SLC49A4: variants seen among roughly 807,000 people sequenced by gnomAD.
SLC49A4 encodes disrupted in renal cancer protein 2.
SLC49A4 carries 36 observed loss-of-function variants against 50.6 expected under a neutral mutation model. The observed-to-expected ratio is 0.71, with a 90% CI of 0.55 to 0.94. SLC49A4 has a LOEUF of 0.94. Among genes scored for constraint, SLC49A4 ranks in the 40% least tolerant of loss-of-function variants. SLC49A4 has a pLI of 0.00. For missense variants in SLC49A4, 503 were observed against 605.7 expected (o/e 0.83, Z 1.78); for synonymous variants, 248 against 241.2 (o/e 1.03, Z -0.26).
intron 5 of SLC49A4, among the ~76,000 whole-genome samples, chr3:122,852,977 C>T (rs1936943914): frequency 6.6e-6 from 1 of 152,118 alleles, no homozygotes. Flanking sequence ...TTCTAGTTCT[C>T]AACCAGAATA....
rs759814935 is a variant in SLC49A4, at chr3:122,795,460, A to G, written c.268A>G (p.Ile90Val). ...GGCCTACGGCTTCTCCAGCTGGGAC[A>G]TCGCGCTGCTCGTGCTGTGGGGGCC... ...RQAYGFSSWD[I>V]ALLVLWGPIG... Residue 90 changes from isoleucine (I) to valine (V), a missense_variant, in exon 1 of 9, where the codon ATC becomes GTC. By Grantham distance (29) the Ile-to-Val change is conservative (BLOSUM62 3). Transcript: ENST00000261038. 1 of 1,607,172 alleles carries G rather than the reference A, an allele frequency of 6.2e-7. No individual in the cohort carries two copies. The highest frequency in any genetic ancestry group is 8.5e-7 in the Non-Finnish European group (1 of 1,179,120).
intron 1 of SLC49A4, among the ~76,000 whole-genome samples, chr3:122,801,523 G>A (rs560094087): frequency 1.3e-5 from 2 of 152,142 alleles, no homozygotes; most frequent in Admixed American, 6.5e-5. Context: ...CCCAGAAGGC[G>A]GATGTTGCAG....
chr3:122,851,965 T>G (rs900315996), intron 5 of SLC49A4, among the ~76,000 whole-genome samples: 1 of 151,990 alleles, frequency 6.6e-6, no homozygotes, highest in Non-Finnish European at 1.5e-5. Context: ...GTGAGTTACT[T>G]TACATTTTAT....
chr3:122,871,278 A>G (rs983595116), intron 7 of SLC49A4, among the ~76,000 whole-genome samples: 3 of 152,200 alleles, frequency 2.0e-5, no homozygotes, highest in Non-Finnish European at 4.4e-5. Context: ...TTGGAGGGGA[A>G]GCAAGAGTGG....
chr3:122,859,935 T>G, intron 6 of SLC49A4, 140 bp from the exon 7 acceptor site: 1 of 777,142 alleles, frequency 1.3e-6, no homozygotes, highest in Non-Finnish European at 1.9e-6. Context: ...ACAAGAAAAT[T>G]TGTTTTAAAA....
intron 2 of SLC49A4, among the ~76,000 whole-genome samples, chr3:122,811,338 A>C (rs1311846057): frequency 2.0e-5 from 3 of 152,260 alleles, no homozygotes; most frequent in Admixed American, 6.5e-5. Flanking sequence ...ACTCAGGAGA[A>C]TATTCAGCTT....
chr3:122,832,409 T>C (rs1366720552), intron 3 of SLC49A4, among the ~76,000 whole-genome samples: 2 of 152,218 alleles, frequency 1.3e-5, no homozygotes, highest in Non-Finnish European at 2.9e-5. Flanking sequence ...GTATTCATTT[T>C]ACTTCTGATT....
intron 3 of SLC49A4, among the ~76,000 whole-genome samples, chr3:122,830,229 G>A (rs949775291): frequency 2.0e-5 from 3 of 152,186 alleles, no homozygotes; most frequent in African/African-American, 7.2e-5. Flanking sequence ...GTTTAATATT[G>A]TGAAGATATC....
intron 1 of SLC49A4, among the ~76,000 whole-genome samples, chr3:122,801,596 C>CA (rs145867722): frequency 0.011 from 1,733 of 151,666 alleles, 26 homozygotes; most frequent in African/African-American, 0.039. Flanking sequence ...ATCTCAAAAA[C>CA]AAAAAAAGAA....
At chr3:122,800,039 G>A (rs1936108758) in intron 1 of SLC49A4, among the ~76,000 whole-genome samples, 1 of 152,184 alleles carries the variant, frequency 6.6e-6, no homozygotes, top group Admixed American at 6.5e-5. Context: ...GAGTTAAGGG[G>A]AGAGGCCTGT....
chr3:122,824,729 T>C (rs868657515), intron 2 of SLC49A4, among the ~76,000 whole-genome samples: 11 of 132,284 alleles, frequency 8.3e-5, no homozygotes, highest in African/African-American at 2.7e-4. Flanking sequence ...TTTTTTTCCT[T>C]CTTTTTTTTT....
chr3:122,806,879 G>A lies in SLC49A4; in HGVS notation c.366G>A (p.Leu122=), dbSNP rs770000276. Residue 122 remains leucine, a synonymous_variant, in exon 2 of 9, where the codon CTG becomes CTA. Coordinates refer to ENST00000261038, the MANE Select transcript of SLC49A4 (RefSeq NM_032839.3). ...DKRGLRITVL[L]TSFLMVLGTG... Reference sequence around the variant, plus strand: ...TAGGTCTCCGGATAACTGTGCTCCTGACATCCTTCCTTATGGTTTTGGGAA... The same window carrying A: ...TAGGTCTCCGGATAACTGTGCTCCTAACATCCTTCCTTATGGTTTTGGGAA... The A allele has an allele frequency of 1.2e-6, 2 of 1,609,290 alleles. No individual in the cohort carries two copies. Among genetic ancestry groups the A allele is most frequent in the Admixed American group, 3.3e-5 (2 of 59,932 alleles).
chr3:122,839,478 CAA>C (rs1936737805), intron 4 of SLC49A4, among the ~76,000 whole-genome samples: 1 of 151,946 alleles, frequency 6.6e-6, no homozygotes, highest in Non-Finnish European at 1.5e-5. Flanking sequence ...AAAATATTTG[CAA>C]ACTCTGTATC....
At position 122,877,008 on chromosome 3, in the gene SLC49A4, G is replaced by A. The variant is rs73193849; in HGVS notation, c.1322-2255G>A. Among the ~76,000 whole-genome samples the A allele has an allele frequency of 5.1e-3, 775 of 152,280 alleles. 1 individual carries two copies. The highest frequency in any genetic ancestry group is 7.5e-3 in the Non-Finnish European group (510 of 68,026). ...ATCTAGTGAAAGGCAAAGGGAAGGA[G>A]TATTAGAAAACCATGCTCATTTTAA... is the stretch of plus-strand genomic sequence containing the variant. On this transcript the variant is annotated intron_variant, in intron 8 of 8. Coordinates refer to ENST00000261038, the MANE Select transcript of SLC49A4 (RefSeq NM_032839.3).
intron 2 of SLC49A4, among the ~76,000 whole-genome samples, chr3:122,808,712 T>G (rs1314352082): frequency 1.3e-5 from 2 of 152,096 alleles, no homozygotes; most frequent in East Asian, 1.9e-4. Context: ...GGACTGAAGC[T>G]TGAGGTCATG....
In SLC49A4 at chr3:122,864,301, T is replaced by C. The variant is rs573133752; in HGVS notation, c.1138+4099T>C. Among the ~76,000 whole-genome samples, 4 of 152,332 alleles carry C rather than the reference T, an allele frequency of 2.6e-5. No individual in the cohort carries two copies. In the South Asian group the frequency reaches 8.3e-4, roughly 32 times the overall value. On this transcript the variant is annotated intron_variant, in intron 7 of 8. Coordinates refer to ENST00000261038, the MANE Select transcript of SLC49A4 (RefSeq NM_032839.3). ...AGAATAGGGCGAATAAATAACCTCA[T>C]GACCAGATAACACGAGTTTCAAAAT...
At chr3:122,837,152 A>G (rs1936698904) in intron 4 of SLC49A4, among the ~76,000 whole-genome samples, 1 of 152,192 alleles carries the variant, frequency 6.6e-6, no homozygotes, top group African/African-American at 2.4e-5. Flanking sequence ...TAATTTATAG[A>G]TTCAATGCCA....
intron 5 of SLC49A4, among the ~76,000 whole-genome samples, chr3:122,852,385 ATC>A (rs1936937939): frequency 6.6e-6 from 1 of 152,184 alleles, no homozygotes; most frequent in South Asian, 2.1e-4. Context: ...TCAAATTTGT[ATC>A]TCATAATTCC....
chr3:122,826,774 A>G, intron 2 of SLC49A4, 26 bp from the exon 3 acceptor site: 1 of 1,607,998 alleles, frequency 6.2e-7, no homozygotes, highest in Middle Eastern at 1.7e-4. Flanking sequence ...CAAATACCTC[A>G]CAGCCTTTTA....
Sources: allele counts gnomAD v4.1 joint callset (sites outside exome capture counted in the v4.1 genomes callset), GRCh38; gene constraint gnomAD v4.1.1; transcripts MANE v1.5; gene names NCBI Gene and HGNC (gene_info 2026-07-23, HGNC 2026-07-21).